SPATA7: variants seen among roughly 807,000 people sequenced by gnomAD.
The protein encoded by SPATA7 is spermatogenesis-associated protein 7.
In SPATA7, 43 loss-of-function variants were observed where a neutral mutation model predicts 51.8. The ratio of observed to expected loss-of-function variants is 0.83; its 90% CI spans 0.65 to 1.07. The LOEUF is 1.07. Among genes scored for constraint, SPATA7 ranks in the 50% least tolerant of loss-of-function variants. SPATA7 has a pLI of 0.00. For synonymous variants in SPATA7, 230 were observed against 252.8 expected, an observed-to-expected ratio of 0.91 and a Z score of 0.86; for missense variants, 683 against 701.3, an observed-to-expected ratio of 0.97 and a Z score of 0.30.
chr14:88,450,457 T>C (rs577505704), intron 3 of SPATA7, among the ~76,000 whole-genome samples: 1 of 152,278 alleles, frequency 6.6e-6, no homozygotes, highest in South Asian at 2.1e-4. Flanking sequence ...GATTTAAGAT[T>C]TAGAGCTCCT....
At chr14:88,393,361 T>A in intron 2 of SPATA7, 32 bp from the exon 3 acceptor site, 1 of 1,375,270 alleles carries the variant, frequency 7.3e-7, no homozygotes, top group African/African-American at 1.4e-5. Context: ...ATATTAGTTT[T>A]AAATATATAA....
rs780459030 is a variant in SPATA7 at position 88,393,403 on chromosome 14, T to A, written c.105T>A (p.Thr35=). The change falls in exon 3 of 12, where the codon ACT becomes ACA. Residue 35 remains threonine, a synonymous_variant. Transcript: ENST00000393545. The stretch of plus-strand genomic sequence containing the variant: ...TGTTTTAATTTTTAGCTTTTTGCAC[T>A]GACTCCTCTTCTCTCAGACTAAGCA... The part of the protein sequence containing the change: ...HLSTKSNAFC[T]DSSSLRLSTL... 2 of 1,594,886 alleles carry A rather than the reference T, an allele frequency of 1.3e-6. No homozygotes were observed. The highest frequency in any genetic ancestry group is 1.7e-6 in the Non-Finnish European group (2 of 1,168,606).
intron 3 of SPATA7, among the ~76,000 whole-genome samples, chr14:88,443,471 G>A (rs1179449700): frequency 2.1e-5 from 3 of 144,134 alleles, no homozygotes; most frequent in Admixed American, 2.0e-4. Context: ...CTTATTTCTT[G>A]TATTTATTTA....
At chr14:88,451,581 C>CAGTG (rs2077251781) in intron 3 of SPATA7, among the ~76,000 whole-genome samples, 1 of 150,200 alleles carries the variant, frequency 6.7e-6, no homozygotes, top group Admixed American at 6.6e-5. Flanking sequence ...GGCTGGAGTG[C>CAGTG]AGTGCCACAA....
At chr14:88,394,263 C>T (rs2075821898) in intron 3 of SPATA7, among the ~76,000 whole-genome samples, 1 of 152,124 alleles carries the variant, frequency 6.6e-6, no homozygotes, top group Non-Finnish European at 1.5e-5. Context: ...AATTTGCCAA[C>T]CCTTGATATA....
At chr14:88,451,025 T>A (rs2077246735) in intron 3 of SPATA7, among the ~76,000 whole-genome samples, 1 of 152,226 alleles carries the variant, frequency 6.6e-6, no homozygotes, top group Admixed American at 6.5e-5. Flanking sequence ...TTTGTCAGAT[T>A]GGGCTAATTT....
chr14:88,408,108 A>G (rs1378911898), intron 4 of SPATA7, among the ~76,000 whole-genome samples: 3 of 152,172 alleles, frequency 2.0e-5, no homozygotes, highest in Non-Finnish European at 4.4e-5. Context: ...TTTTGGTTCC[A>G]TATGAAATTT....
intron 10 of SPATA7, among the ~76,000 whole-genome samples, chr14:88,434,545 C>T (rs879297479): frequency 2.0e-5 from 3 of 151,762 alleles, no homozygotes; most frequent in African/African-American, 7.3e-5. Context: ...ATTAGCTGGG[C>T]GTGGTGGTGC....
intron 3 of SPATA7, among the ~76,000 whole-genome samples, chr14:88,444,821 T>C (rs1263549207): frequency 1.3e-5 from 2 of 152,240 alleles, no homozygotes; most frequent in Non-Finnish European, 2.9e-5. Context: ...TTCTGAGGCC[T>C]CTGTTCTGTT....
At chr14:88,451,367 C>T (rs2077249516) in intron 3 of SPATA7, among the ~76,000 whole-genome samples, 2 of 151,922 alleles carry the variant, frequency 1.3e-5, no homozygotes. Context: ...ACAGGGTTCA[C>T]CACGTTGGGC....
At chr14:88,400,157 ATAAT>A (rs748760737) in intron 4 of SPATA7, among the ~76,000 whole-genome samples, 6 of 152,240 alleles carry the variant, frequency 3.9e-5, no homozygotes, top group South Asian at 2.1e-4. Context: ...AATAAAACTA[ATAAT>A]TAATAGCTGT....
chr14:88,420,209 G>GT, intron 5 of SPATA7, among the ~76,000 whole-genome samples: 1 of 152,264 alleles, frequency 6.6e-6, no homozygotes, highest in East Asian at 1.9e-4. Flanking sequence ...TAGGTTTCCT[G>GT]GAGGAAAAGC....
downstream of SPATA7, among the ~76,000 whole-genome samples, chr14:88,456,354 T>C (rs558236246): frequency 0.034 from 5,206 of 151,592 alleles, 95 homozygotes; most frequent in African/African-American, 0.12. Context: ...TGTAAAAGTG[T>C]TCCTATTTCT....
In SPATA7 at chr14:88,438,290, A is replaced by T. The variant is rs1271800553; in HGVS notation, c.1668A>T (p.Leu556Phe). Reference protein sequence around the residue: ...DPEKVEISNGLCGLNTSPSQS... With the variant: ...DPEKVEISNGFCGLNTSPSQS... Reference sequence around the variant, plus strand: ...AAAAGGTTGAGATTTCAAATGGATTATGTGGTCTTAACACATCACCCTCCC... The same window carrying T: ...AAAAGGTTGAGATTTCAAATGGATTTTGTGGTCTTAACACATCACCCTCCC... Residue 556 changes from leucine (L) to phenylalanine (F), a missense_variant, in exon 12 of 12, where the codon TTA becomes TTT. Physicochemically the swap from Leu to Phe is conservative, Grantham distance 22. Transcript: ENST00000393545. 1.2e-6 allele frequency: 2 copies of T among 1,614,112 alleles called. No individual in the cohort carries two copies. The highest frequency in any genetic ancestry group is 2.2e-5 in the East Asian group (1 of 44,856).
At chr14:88,433,653 G>A (rs1238766500) in intron 10 of SPATA7, among the ~76,000 whole-genome samples, 1 of 152,134 alleles carries the variant, frequency 6.6e-6, no homozygotes, top group African/African-American at 2.4e-5. Flanking sequence ...TAAATGGAAA[G>A]TTTGCAAAAC....
At chr14:88,422,485 G>A (rs2076672886) in intron 5 of SPATA7, among the ~76,000 whole-genome samples, 1 of 151,332 alleles carries the variant, frequency 6.6e-6, no homozygotes, top group Admixed American at 6.6e-5. Flanking sequence ...TTCAGCATGA[G>A]TATAAATTAC....
At chr14:88,393,060 A>C (rs1195747815) in intron 2 of SPATA7, among the ~76,000 whole-genome samples, 2 of 152,112 alleles carry the variant, frequency 1.3e-5, no homozygotes, top group Non-Finnish European at 2.9e-5. Context: ...GTAACTAATT[A>C]AGCAAGCAGC....
At chr14:88,389,773 C>G (rs2075689619) in intron 1 of SPATA7, among the ~76,000 whole-genome samples, 1 of 152,152 alleles carries the variant, frequency 6.6e-6, no homozygotes, top group South Asian at 2.1e-4. Flanking sequence ...TAGGTTCCAG[C>G]CTTTTTTCAT....
intron 4 of SPATA7, among the ~76,000 whole-genome samples, chr14:88,398,418 G>A (rs2075958797): frequency 7.1e-6 from 1 of 141,660 alleles, no homozygotes; most frequent in South Asian, 2.2e-4. Flanking sequence ...TCATAGGTGA[G>A]AATTGAACAA....
Sources: allele counts gnomAD v4.1 joint callset (sites outside exome capture counted in the v4.1 genomes callset), GRCh38; gene constraint gnomAD v4.1.1; transcripts MANE v1.5; gene names NCBI Gene and HGNC (gene_info 2026-07-23, HGNC 2026-07-21).